The following RPS6KA3 variants were observed in gnomAD, a reference collection of about 807,000 sequenced individuals.
RPS6KA3 encodes the protein ribosomal protein S6 kinase A3.
A neutral mutation model predicts 67.2 loss-of-function variants in RPS6KA3; 4 were observed. That is an observed-to-expected ratio of 0.06 (90% CI 0.03 to 0.14). The LOEUF (loss-of-function observed/expected upper bound fraction) is 0.14. Among genes scored for constraint, RPS6KA3 ranks in the 10% least tolerant of loss-of-function variants. The pLI is 1.00. For synonymous variants in RPS6KA3, 182 were observed against 183.7 expected (o/e 0.99, Z 0.07); for missense variants, 204 against 559.0 (o/e 0.36, Z 6.40).
rs770270664 is a variant in RPS6KA3, at chrX:20,154,810, G to A, written c.*588C>T. 8.6e-6 allele frequency: 1 copy of A among 116,182 alleles called. No homozygotes were observed. Among genetic ancestry groups the A allele is most frequent in the Non-Finnish European group, 1.8e-5 (1 of 55,315 alleles). 9.6% of individuals were successfully genotyped at this position (116,182 alleles called of 1,213,427 possible). ...ATTTTTAGGACTGTCCAACAATACT[G>A]TTAATCCAGGTGAACTATTTAACCA... On this transcript the variant is annotated 3_prime_UTR_variant, in exon 22 of 22. Coordinates refer to ENST00000379565, the MANE Select transcript of RPS6KA3 (RefSeq NM_004586.3).
intron 10 of RPS6KA3, among the ~76,000 whole-genome samples, chrX:20,185,426 G>A (rs1304464361): frequency 1.8e-5 from 2 of 110,748 alleles, no homozygotes; most frequent in African/African-American, 6.6e-5. Flanking sequence ...AGGCTGGGGT[G>A]CAGTAGAACC....
At chrX:20,161,600 A>G in intron 20 of RPS6KA3, 44 bp downstream of exon 20, 1 of 695,338 alleles carries the variant, frequency 1.4e-6, no homozygotes, top group Non-Finnish European at 2.2e-6. Context: ...ATGGATCATA[A>G]AAAGTTATTT....
chrX:20,203,414 A>G (rs2068495312), intron 4 of RPS6KA3: 1 of 110,419 alleles, frequency 9.1e-6, no homozygotes, highest in Non-Finnish European at 1.9e-5. Context: ...GGTATGTGCC[A>G]CCACGCCCAG....
In RPS6KA3 at chrX:20,188,883, C is replaced by T. The variant is rs138185981; in HGVS notation, c.594-349G>A. Reference sequence around the variant, plus strand: ...TGCCTGCATTAATAGACAGAGGGTCCACACATTTAATTCAAAAACATCAGA... The same window carrying T: ...TGCCTGCATTAATAGACAGAGGGTCTACACATTTAATTCAAAAACATCAGA... On this transcript the variant is annotated intron_variant, in intron 7 of 21. Coordinates refer to ENST00000379565, the MANE Select transcript of RPS6KA3 (RefSeq NM_004586.3). Among the ~76,000 whole-genome samples, 153 of 112,473 alleles carry T rather than the reference C, an allele frequency of 1.4e-3. 3 individuals are homozygous for T. In the East Asian group the frequency reaches 0.029, roughly 22 times the overall value.
At chrX:20,240,860 T>C (rs949305881) in intron 1 of RPS6KA3, among the ~76,000 whole-genome samples, 3 of 111,005 alleles carry the variant, frequency 2.7e-5, no homozygotes, top group African/African-American at 9.8e-5. Context: ...TGACCCAATT[T>C]TGCATCCCCT....
intron 18 of RPS6KA3, among the ~76,000 whole-genome samples, chrX:20,164,540 A>G (rs937272038): frequency 1.8e-5 from 2 of 109,257 alleles, no homozygotes; most frequent in African/African-American, 6.7e-5. Context: ...GCACGCCACC[A>G]TGCCCAGCTA....
intron 3 of RPS6KA3, among the ~76,000 whole-genome samples, chrX:20,205,080 T>C (rs777043008): frequency 6.2e-5 from 7 of 112,274 alleles, no homozygotes; most frequent in Non-Finnish European, 1.3e-4. Context: ...TCAGGTATGT[T>C]ATTGGGCATC....
chrX:20,194,563 T>G (rs951873479), intron 5 of RPS6KA3, among the ~76,000 whole-genome samples: 3 of 110,982 alleles, frequency 2.7e-5, no homozygotes, highest in African/African-American at 6.6e-5. Context: ...AACTACGAAA[T>G]AACATACAAA....
chrX:20,201,544 A>G (rs1486625256), intron 4 of RPS6KA3, among the ~76,000 whole-genome samples: 1 of 111,792 alleles, frequency 8.9e-6, no homozygotes, highest in African/African-American at 3.3e-5. Flanking sequence ...CTCCAGATGG[A>G]GGATATAATG....
At chrX:20,263,559 T>C (rs1302516853) in intron 1 of RPS6KA3, among the ~76,000 whole-genome samples, 4 of 111,635 alleles carry the variant, frequency 3.6e-5, no homozygotes, top group African/African-American at 1.3e-4. Flanking sequence ...ACCACAAGGG[T>C]TTTTTTGTTT....
In RPS6KA3 at chrX:20,216,587, G is replaced by A. The variant is rs371293144; in HGVS notation, c.127-7183C>T. 1.0e-4 allele frequency among the ~76,000 whole-genome samples: 11 copies of A among 110,513 alleles called. No homozygotes were observed. In the East Asian group the frequency reaches 1.7e-3, roughly 17 times the overall value. ...ATGAGAATAGCAGATATGGAAAGGG[G>A]GGGGTTGTAATTTTCAATAAAGAAG... On this transcript the variant is annotated intron_variant, in intron 2 of 21. Coordinates refer to ENST00000379565, the MANE Select transcript of RPS6KA3 (RefSeq NM_004586.3).
intron 1 of RPS6KA3, 72 bp from the exon 2 acceptor site, chrX:20,234,886 C>CAAAAA: frequency 1.7e-6 from 1 of 601,034 alleles, no homozygotes; most frequent in Admixed American, 3.1e-5. Context: ...TGAAGGCAGA[C>CAAAAA]AAAAAAAAAA....
At chrX:20,174,197 C>T (rs750026447) in intron 14 of RPS6KA3, among the ~76,000 whole-genome samples, 1 of 111,437 alleles carries the variant, frequency 9.0e-6, no homozygotes, top group South Asian at 3.8e-4. Context: ...TGTTCTAAGG[C>T]ATCAAAGAAC....
intron 2 of RPS6KA3, among the ~76,000 whole-genome samples, chrX:20,224,791 T>C (rs1271897153): frequency 9.0e-6 from 1 of 111,443 alleles, no homozygotes; most frequent in East Asian, 2.8e-4. Context: ...ATGGAAAGCA[T>C]GCTATGTTTC....
chrX:20,208,515 G>A (rs763961241), intron 3 of RPS6KA3, among the ~76,000 whole-genome samples: 105 of 111,176 alleles, frequency 9.4e-4, no homozygotes, highest in Non-Finnish European at 1.7e-3. Flanking sequence ...TCAAGAGTTT[G>A]AGACCAGCCT....
intron 4 of RPS6KA3, among the ~76,000 whole-genome samples, chrX:20,198,230 T>C (rs1030897773): frequency 2.7e-5 from 3 of 111,741 alleles, no homozygotes; most frequent in African/African-American, 9.8e-5. Context: ...CAGGAAGCAA[T>C]AGTAGAAGAT....
intron 10 of RPS6KA3, among the ~76,000 whole-genome samples, chrX:20,180,611 C>T (rs1444874171): frequency 2.7e-5 from 3 of 111,408 alleles, no homozygotes; most frequent in African/African-American, 6.5e-5. Context: ...AATAAACACA[C>T]CTGAATGCCC....
chrX:20,208,504 C>G (rs1023551368), intron 3 of RPS6KA3, among the ~76,000 whole-genome samples: 2 of 111,227 alleles, frequency 1.8e-5, no homozygotes, highest in Non-Finnish European at 3.8e-5. Context: ...TCGCTTTGAG[C>G]TCAAGAGTTT....
intron 2 of RPS6KA3, among the ~76,000 whole-genome samples, chrX:20,215,520 C>T (rs891429739): frequency 6.3e-5 from 7 of 111,490 alleles, no homozygotes; most frequent in African/African-American, 2.3e-4. Flanking sequence ...TTTTACTAAT[C>T]ACACCAGCAA....
Sources: allele counts gnomAD v4.1 joint callset (sites outside exome capture counted in the v4.1 genomes callset), GRCh38; gene constraint gnomAD v4.1.1; transcripts MANE v1.5; gene names NCBI Gene and HGNC (gene_info 2026-07-23, HGNC 2026-07-21).